The following PHC2 variants were observed in gnomAD, a reference collection of about 807,000 sequenced individuals.
PHC2 encodes polyhomeotic-like protein 2.
A neutral mutation model predicts 87.4 loss-of-function variants in PHC2; 29 were observed. The observed-to-expected ratio is 0.33, with a 90% CI of 0.25 to 0.45. The LOEUF (loss-of-function observed/expected upper bound fraction) is 0.45. PHC2 is among the 20% of genes least tolerant of loss of function. PHC2 has a pLI of 1.00. For synonymous variants in PHC2, 438 were observed against 461.7 expected, an observed-to-expected ratio of 0.95 and a Z score of 0.66; for missense variants, 857 against 1,136.7, an observed-to-expected ratio of 0.75 and a Z score of 3.54.
At chr1:33,420,162 T>G (rs377514040) in intron 1 of PHC2, among the ~76,000 whole-genome samples, 82 of 152,336 alleles carry the variant, frequency 5.4e-4, no homozygotes, top group African/African-American at 1.9e-3. Context: ...GATATTTAGC[T>G]CTCTCTACAA....
chr1:33,414,425 T>A (rs1650121750), intron 1 of PHC2, among the ~76,000 whole-genome samples: 1 of 152,226 alleles, frequency 6.6e-6, no homozygotes, highest in Non-Finnish European at 1.5e-5. Flanking sequence ...ATTGTTTTGA[T>A]CTTTATCTCA....
Position 33,349,400 on chromosome 1 carries a change from G to C in PHC2, c.1558+5001C>G, listed in dbSNP as rs565923654. 5.1e-6 allele frequency: 5 copies of C among 985,302 alleles called. No homozygotes were observed. Among genetic ancestry groups the C allele is most frequent in the Non-Finnish European group, 6.0e-6 (5 of 829,866 alleles). 61.0% of individuals were successfully genotyped at this position (985,302 alleles called of 1,614,324 possible). On this transcript the variant is annotated intron_variant, in intron 9 of 14. Transcript: ENST00000683057. The surrounding 1 kb of genome is among the most constrained non-coding windows in gnomAD (Gnocchi z 4.2). ...GCTTCCAGGGGCGACGGGCGCGCAG[G>C]GTCCCCAGGCGAGCGAGGCTGGGGA...
chr1:33,426,924 A>T (rs994537367), intron 1 of PHC2, among the ~76,000 whole-genome samples: 8 of 152,254 alleles, frequency 5.3e-5, no homozygotes, highest in African/African-American at 1.9e-4. Flanking sequence ...AAAATCATTA[A>T]GAATTTCAAG....
chr1:33,392,299 T>A (rs1649100385), intron 1 of PHC2, among the ~76,000 whole-genome samples: 3 of 152,214 alleles, frequency 2.0e-5, no homozygotes, highest in Non-Finnish European at 4.4e-5. Flanking sequence ...GGCGGAGTCA[T>A]AACAGATACA....
At chr1:33,366,977 T>G in intron 7 of PHC2, 139 bp downstream of exon 7, 3 of 784,144 alleles carry the variant, frequency 3.8e-6, no homozygotes, top group Non-Finnish European at 4.1e-6. Flanking sequence ...ATGGACATTT[T>G]GAGATAGGGA....
intron 7 of PHC2, among the ~76,000 whole-genome samples, chr1:33,356,277 G>GTATATATATATA (rs1233308932): frequency 2.8e-5 from 2 of 70,182 alleles, no homozygotes; most frequent in Admixed American, 1.5e-4. Flanking sequence ...ATATATATAT[G>GTATATATATATA]TATATATATA....
intron 1 of PHC2, among the ~76,000 whole-genome samples, chr1:33,396,213 G>C (rs1452640592): frequency 6.6e-6 from 1 of 152,176 alleles, no homozygotes; most frequent in Non-Finnish European, 1.5e-5. Context: ...CTCAGAGCCT[G>C]CTGTTTTCTA....
At chr1:33,408,678 G>A (rs937862697) in intron 1 of PHC2, among the ~76,000 whole-genome samples, 1 of 152,072 alleles carries the variant, frequency 6.6e-6, no homozygotes, top group African/African-American at 2.4e-5. Flanking sequence ...TGTTGGCCAG[G>A]CTGGTCTCGA....
intron 6 of PHC2, among the ~76,000 whole-genome samples, chr1:33,367,630 A>G (rs1348249220): frequency 1.3e-5 from 2 of 152,118 alleles, no homozygotes; most frequent in African/African-American, 4.8e-5. Flanking sequence ...GTTCGCTGTG[A>G]CTGCATCCAG....
At chr1:33,416,631 C>A (rs1395029242) in intron 1 of PHC2, among the ~76,000 whole-genome samples, 2 of 138,996 alleles carry the variant, frequency 1.4e-5, no homozygotes, top group Admixed American at 7.1e-5. Context: ...TTCTCATAAA[C>A]TATGCAAGCC....
chr1:33,385,652 A>AT (rs1442673945), intron 1 of PHC2, among the ~76,000 whole-genome samples: 2 of 152,188 alleles, frequency 1.3e-5, no homozygotes, highest in African/African-American at 4.8e-5. Flanking sequence ...ATTTCCTTCA[A>AT]TAAACTCAAA....
At position 33,325,034 on chromosome 1, in the gene PHC2, C is replaced by G. The variant is rs746909313; in HGVS notation, c.2426-15G>C. On this transcript the variant is annotated splice_polypyrimidine_tract_variant and intron_variant, in intron 14 of 14. Coordinates refer to ENST00000683057, the MANE Select transcript of PHC2 (RefSeq NM_001385109.1). Reference sequence around the variant, plus strand: ...CTCCTGGCAGCCTGAGGGGGTACCACCAAAGACAGTGTCAATCCAAGCCGC... The same window carrying G: ...CTCCTGGCAGCCTGAGGGGGTACCAGCAAAGACAGTGTCAATCCAAGCCGC... 6.3e-7 allele frequency: 1 copy of G among 1,596,880 alleles called. No individual in the cohort carries two copies. Among genetic ancestry groups the G allele is most frequent in the East Asian group, 2.3e-5 (1 of 44,438 alleles).
Position 33,375,058 on chromosome 1 carries a change from C to T in PHC2, c.174+308G>A, listed in dbSNP as rs1238003992. Reference sequence around the variant, plus strand: ...CTGAAAAACTGAGATGTGTTCTTCACCGGGCAATGGTCATTTAGAGAGTGG... The same window carrying T: ...CTGAAAAACTGAGATGTGTTCTTCATCGGGCAATGGTCATTTAGAGAGTGG... On this transcript the variant is annotated intron_variant, in intron 2 of 14. Coordinates refer to ENST00000683057, the MANE Select transcript of PHC2 (RefSeq NM_001385109.1). 7.9e-5 allele frequency among the ~76,000 whole-genome samples: 12 copies of T among 152,160 alleles called. No individual in the cohort carries two copies. The South Asian group carries it at 2.5e-3, about 32-fold the overall frequency.
intron 7 of PHC2, among the ~76,000 whole-genome samples, chr1:33,361,633 G>A (rs555852435): frequency 2.6e-5 from 4 of 152,338 alleles, no homozygotes; most frequent in South Asian, 4.1e-4. Flanking sequence ...GTGAGCCATC[G>A]TGCCTGGCCA....
At chr1:33,420,730 T>C (rs1232192910) in intron 1 of PHC2, among the ~76,000 whole-genome samples, 1 of 152,044 alleles carries the variant, frequency 6.6e-6, no homozygotes, top group East Asian at 1.9e-4. Context: ...CCACCTCAGC[T>C]TCCTGAGTAG....
At position 33,332,434 on chromosome 1, in the gene PHC2, G is replaced by A. The variant is rs1027101746; in HGVS notation, c.1762-30C>T. 9.3e-6 allele frequency: 15 copies of A among 1,613,806 alleles called. No homozygotes were observed. Among genetic ancestry groups the A allele is most frequent in the Non-Finnish European group, 1.3e-5 (15 of 1,179,802 alleles). On this transcript the variant is annotated intron_variant, in intron 10 of 14. Coordinates refer to ENST00000683057, the MANE Select transcript of PHC2 (RefSeq NM_001385109.1). The surrounding 1 kb of genome is among the most constrained non-coding windows in gnomAD (Gnocchi z 4.2). ...AGGACAGGTAACACGGAGGCCGTGA[G>A]GGTCAGGTGGGAGCGGCTTCCTTGC...
In PHC2 at chr1:33,325,994, T is replaced by C. The variant is rs114669036; in HGVS notation, c.2426-975A>G. 719 of 406,450 alleles carry C rather than the reference T, an allele frequency of 1.8e-3. 5 individuals are homozygous for C. The highest frequency in any genetic ancestry group is 0.014 in the African/African-American group (659 of 48,142). 25.2% of individuals were successfully genotyped at this position (406,450 alleles called of 1,614,324 possible). A position where few individuals can be genotyped will look rare whatever the true frequency, so the allele number is the denominator to read the frequency against. The stretch of plus-strand genomic sequence containing the variant: ...AAAGTGAGGAAACTCTTAGTGGAGA[T>C]TGGAAGAAACAGGGTCTCTGTTATG... On this transcript the variant is annotated intron_variant, in intron 14 of 14. Transcript: ENST00000683057.
At chr1:33,397,844 C>G (rs1649357817) in intron 1 of PHC2, among the ~76,000 whole-genome samples, 1 of 152,066 alleles carries the variant, frequency 6.6e-6, no homozygotes, top group Non-Finnish European at 1.5e-5. Context: ...GCTTGCCTGC[C>G]CTTTGAACTC....
chr1:33,371,254 G>A (rs1035967387), intron 3 of PHC2, among the ~76,000 whole-genome samples, 160 bp from the exon 4 acceptor site: 4 of 152,116 alleles, frequency 2.6e-5, no homozygotes, highest in Non-Finnish European at 5.9e-5. Flanking sequence ...CAAGTATCCC[G>A]CCTCCTCTGT....
Sources: gnomAD v4.1 joint callset for allele counts (sites outside exome capture counted in the v4.1 genomes callset) on GRCh38, gnomAD v4.1.1 for gene constraint, Gnocchi (gnomAD v3.1) non-coding constraint, MANE v1.5 for transcripts, NCBI Gene and HGNC (gene_info 2026-07-23, HGNC 2026-07-21) for gene names.